RBFOX1: variants seen among roughly 807,000 people sequenced by gnomAD.
RBFOX1 encodes the protein RNA binding fox-1 homolog 1.
RBFOX1 carries 8 observed loss-of-function variants against 57.7 expected under a neutral mutation model. That is an observed-to-expected ratio of 0.14 (90% CI 0.08 to 0.25). The LOEUF (loss-of-function observed/expected upper bound fraction) is 0.25, where lower values mean the gene tolerates loss of function less well. Among genes scored for constraint, RBFOX1 ranks in the 10% least tolerant of loss-of-function variants. The pLI is 1.00. For missense variants in RBFOX1, 611 were observed against 548.5 expected (o/e 1.11, Z -1.14); for synonymous variants, 326 against 222.4 (o/e 1.47, Z -4.15).
At chr16:5,331,454 G>A (rs1015172099) in intron 1 of RBFOX1, among the ~76,000 whole-genome samples, 1 of 152,232 alleles carries the variant, frequency 6.6e-6, no homozygotes, top group African/African-American at 2.4e-5. Context: ...GATTTAGATG[G>A]GGCTTGGCTG....
At chr16:6,668,499 TA>T (rs1395920588) in intron 3 of RBFOX1, among the ~76,000 whole-genome samples, 1 of 152,236 alleles carries the variant, frequency 6.6e-6, no homozygotes, top group African/African-American at 2.4e-5. Context: ...AAGGCACTGG[TA>T]TTTTCATGGA....
chr16:6,905,070 G>A (rs190826790), intron 3 of RBFOX1, among the ~76,000 whole-genome samples: 184 of 152,180 alleles, frequency 1.2e-3, no homozygotes, highest in African/African-American at 3.8e-3. Context: ...AATAAACTTC[G>A]TTTAACTTTC....
intron 3 of RBFOX1, among the ~76,000 whole-genome samples, chr16:6,934,880 G>C (rs946347042): frequency 1.3e-5 from 2 of 152,090 alleles, no homozygotes; most frequent in Non-Finnish European, 2.9e-5. Flanking sequence ...GAGCTCAGGA[G>C]TTTGAGACTA....
At chr16:5,848,240 C>T (rs567176558) in intron 3 of RBFOX1, among the ~76,000 whole-genome samples, 41 of 152,244 alleles carry the variant, frequency 2.7e-4, no homozygotes, top group African/African-American at 9.4e-4. Context: ...CCCACCACCA[C>T]TGGACCATTT....
intron 3 of RBFOX1, among the ~76,000 whole-genome samples, chr16:5,606,139 C>G (rs1410872587): frequency 6.6e-6 from 1 of 152,182 alleles, no homozygotes; most frequent in South Asian, 2.1e-4. Flanking sequence ...CATATTTCAG[C>G]AGCTCTCTGT....
chr16:6,820,030 G>A (rs1419195555), intron 3 of RBFOX1, among the ~76,000 whole-genome samples: 1 of 152,118 alleles, frequency 6.6e-6, no homozygotes, highest in Non-Finnish European at 1.5e-5. Context: ...TGTCATGGGA[G>A]GCACCCAATA....
intron 10 of RBFOX1, among the ~76,000 whole-genome samples, chr16:7,624,644 G>C (rs937729333): frequency 1.3e-5 from 2 of 152,218 alleles, no homozygotes; most frequent in African/African-American, 4.8e-5. Flanking sequence ...ACTAGAGGCA[G>C]AGGGACTAAT....
intron 11 of RBFOX1, among the ~76,000 whole-genome samples, chr16:7,650,659 G>C (rs1289996931): frequency 6.6e-6 from 1 of 152,182 alleles, no homozygotes; most frequent in Non-Finnish European, 1.5e-5. Context: ...GGCTGAGAGG[G>C]AGCTTGTCTG....
At chr16:7,151,347 A>G (rs1037944933) in intron 4 of RBFOX1, among the ~76,000 whole-genome samples, 3 of 152,174 alleles carry the variant, frequency 2.0e-5, no homozygotes, top group Non-Finnish European at 4.4e-5. Context: ...TGACAGTGAG[A>G]TTTATTGGCT....
intron 1 of RBFOX1, among the ~76,000 whole-genome samples, chr16:5,382,459 T>C (rs901780155): frequency 6.6e-6 from 1 of 152,180 alleles, no homozygotes; most frequent in African/African-American, 2.4e-5. Flanking sequence ...CCTTCTGGTA[T>C]CTACATATAA....
Position 5,658,588 on chromosome 16 carries a change from A to C in RBFOX1, c.318+59627A>C, listed in dbSNP as rs554060667. ...GGCACAGAGCTTAGCTCCCACTTATAAGTGAGAAGATACTATGTTTGGTTT... is the reference window on the plus strand; with the variant it reads ...GGCACAGAGCTTAGCTCCCACTTATCAGTGAGAAGATACTATGTTTGGTTT... On this transcript the variant is annotated intron_variant, in intron 3 of 19. Transcript: ENST00000641259. 2.6e-5 allele frequency among the ~76,000 whole-genome samples: 4 copies of C among 152,074 alleles called. No individual in the cohort carries two copies. In the South Asian group the frequency reaches 8.3e-4, roughly 32 times the overall value.
intron 2 of RBFOX1, among the ~76,000 whole-genome samples, chr16:6,427,069 G>T (rs996558381): frequency 6.6e-6 from 1 of 152,208 alleles, no homozygotes. Context: ...ATATTATGAG[G>T]TAGGGAAGGG....
At chr16:6,730,591 T>C (rs2068319022) in intron 3 of RBFOX1, among the ~76,000 whole-genome samples, 1 of 152,128 alleles carries the variant, frequency 6.6e-6, no homozygotes, top group Admixed American at 6.5e-5. Context: ...GAAAAAGGGA[T>C]TGGATTCAGA....
intron 1 of RBFOX1, among the ~76,000 whole-genome samples, chr16:5,309,430 TTGATCCTGAA>T (rs2064023556): frequency 3.9e-5 from 6 of 152,230 alleles, no homozygotes; most frequent in Admixed American, 3.9e-4. Flanking sequence ...CCAAAGTTGA[TTGATCCTGAA>T]GTTTACCTAG....
intron 3 of RBFOX1, among the ~76,000 whole-genome samples, chr16:5,738,347 A>G (rs1274378126): frequency 6.6e-6 from 1 of 151,874 alleles, no homozygotes; most frequent in Admixed American, 6.6e-5. Context: ...TAAAGAAAGT[A>G]TAGCCCAGGT....
chr16:6,631,394 T>C (rs1323002078), intron 2 of RBFOX1, among the ~76,000 whole-genome samples: 1 of 151,802 alleles, frequency 6.6e-6, no homozygotes, highest in African/African-American at 2.4e-5. Flanking sequence ...AAAACACTTT[T>C]TATTATGAAA....
chr16:5,321,916 C>G (rs2064420598), intron 1 of RBFOX1, among the ~76,000 whole-genome samples: 1 of 152,138 alleles, frequency 6.6e-6, no homozygotes, highest in African/African-American at 2.4e-5. Context: ...TTACGGGGCA[C>G]TGATTGCTCA....
intron 2 of RBFOX1, among the ~76,000 whole-genome samples, chr16:6,567,808 A>G (rs1567712052): frequency 6.6e-6 from 1 of 151,994 alleles, no homozygotes; most frequent in Non-Finnish European, 1.5e-5. Context: ...AAACCCCACT[A>G]TTTTTTTAAA....
chr16:5,744,461 C>T (rs1270344414), intron 3 of RBFOX1, among the ~76,000 whole-genome samples: 2 of 152,176 alleles, frequency 1.3e-5, no homozygotes, highest in Non-Finnish European at 2.9e-5. Context: ...CACCCCCCAT[C>T]GATGCTGGAC....
Sources: allele counts gnomAD v4.1 joint callset (sites outside exome capture counted in the v4.1 genomes callset), GRCh38; gene constraint gnomAD v4.1.1; transcripts MANE v1.5; gene names NCBI Gene and HGNC (gene_info 2026-07-23, HGNC 2026-07-21).